The following MLPH variants were observed in gnomAD, a reference collection of about 807,000 sequenced individuals.
MLPH encodes exophilin-3.
In MLPH, 51 loss-of-function variants were observed where a neutral mutation model predicts 72.1. That is an observed-to-expected ratio of 0.71 (90% CI 0.56 to 0.89). The LOEUF is 0.89. Among genes scored for constraint, MLPH ranks in the 40% least tolerant of loss-of-function variants. The pLI is 0.00. For missense variants in MLPH, 743 were observed against 759.9 expected, an observed-to-expected ratio of 0.98 and a Z score of 0.26; for synonymous variants, 301 against 310.1, an observed-to-expected ratio of 0.97 and a Z score of 0.31.
chr2:237,508,411 T>A (rs1361357546), intron 2 of MLPH, among the ~76,000 whole-genome samples: 1 of 152,172 alleles, frequency 6.6e-6, no homozygotes, highest in Non-Finnish European at 1.5e-5. Context: ...TGCACCCAGC[T>A]CATTTCTTTT....
At chr2:237,492,215 G>C (rs2079441521) in intron 1 of MLPH, among the ~76,000 whole-genome samples, 1 of 152,064 alleles carries the variant, frequency 6.6e-6, no homozygotes, top group South Asian at 2.1e-4. Flanking sequence ...ACATTGATTG[G>C]GATCAGGTCT....
intron 9 of MLPH, chr2:237,537,484 C>T (rs565695489): frequency 6.6e-6 from 1 of 152,292 alleles, no homozygotes; most frequent in Admixed American, 6.5e-5. Flanking sequence ...ATATCAGGCC[C>T]AATGGCGTTT....
chr2:237,524,507 T>C (rs2080260310), intron 6 of MLPH, among the ~76,000 whole-genome samples: 1 of 151,926 alleles, frequency 6.6e-6, no homozygotes, highest in Non-Finnish European at 1.5e-5. Context: ...GTCTTGTCGC[T>C]TCACGTTTTT....
In MLPH at chr2:237,540,531, G is replaced by A. The variant is rs2080653466; in HGVS notation, c.1288G>A (p.Glu430Lys). The change falls in exon 10 of 16, where the codon GAG becomes AAG. Residue 430 changes from glutamate (E) to lysine (K), a missense_variant and splice_region_variant. Coordinates refer to ENST00000264605, the MANE Select transcript of MLPH (RefSeq NM_024101.7). ...TGGGCCTCTCCCCCAGGCGGACCCG[G>A]AGGTAAGACTATCCCCCAGAGGTCT... ...SVGPLPQADP[E>K]VGTAAHQTNR... 1.9e-6 allele frequency: 3 copies of A among 1,610,128 alleles called. No homozygotes were observed. The highest frequency in any genetic ancestry group is 1.3e-5 in the African/African-American group (1 of 74,844).
Position 237,552,838 on chromosome 2 carries a change from T to C in MLPH, c.1776+401T>C, listed in dbSNP as rs1400720968. On this transcript the variant is annotated intron_variant, in intron 15 of 15. Coordinates refer to ENST00000264605, the MANE Select transcript of MLPH (RefSeq NM_024101.7). ...ACTAACTTGTCCATGTGTGTATGTGTGTGGCTGCGTTCACCCCTGTGTGTG... is the reference window on the plus strand; with the variant it reads ...ACTAACTTGTCCATGTGTGTATGTGCGTGGCTGCGTTCACCCCTGTGTGTG... 4.6e-5 allele frequency among the ~76,000 whole-genome samples: 7 copies of C among 152,196 alleles called. No individual in the cohort carries two copies. The East Asian group carries it at 1.3e-3, about 29-fold the overall frequency.
At chr2:237,514,415 G>A (rs2079971411) in intron 4 of MLPH, among the ~76,000 whole-genome samples, 1 of 152,018 alleles carries the variant, frequency 6.6e-6, no homozygotes, top group Non-Finnish European at 1.5e-5. Flanking sequence ...ATTTCTTTAT[G>A]GCTAGTTTTT....
intron 6 of MLPH, among the ~76,000 whole-genome samples, chr2:237,522,728 G>A (rs1239535408): frequency 2.0e-5 from 3 of 152,200 alleles, no homozygotes; most frequent in Non-Finnish European, 4.4e-5. Context: ...AGGCCGAATT[G>A]AGCTGACTTT....
chr2:237,487,916 T>C (rs2079351413), intron 1 of MLPH, among the ~76,000 whole-genome samples: 3 of 152,014 alleles, frequency 2.0e-5, no homozygotes, highest in Admixed American at 2.0e-4. Context: ...AAAAGTCTGT[T>C]TTATTGGAAT....
At chr2:237,551,307 A>G (rs1479924613) in intron 14 of MLPH, among the ~76,000 whole-genome samples, 1 of 152,282 alleles carries the variant, frequency 6.6e-6, no homozygotes, top group East Asian at 1.9e-4. Flanking sequence ...ACAGCACAAC[A>G]GGAGCACGCT....
intron 9 of MLPH, among the ~76,000 whole-genome samples, chr2:237,539,357 T>C (rs74003108): frequency 0.14 from 21,051 of 152,114 alleles, 1,651 homozygotes; most frequent in African/African-American, 0.18. Flanking sequence ...ATATCTGGGA[T>C]GAGAGAAAAA....
chr2:237,540,509 G>A lies in MLPH; in HGVS notation c.1266G>A (p.Gly422=), dbSNP rs2080652045. 6.2e-7 allele frequency: 1 copy of A among 1,612,214 alleles called. No individual in the cohort carries two copies. The highest frequency in any genetic ancestry group is 8.5e-7 in the Non-Finnish European group (1 of 1,179,908). ...AGCCCAACAGGGACAAATCAGTTGGGCCTCTCCCCCAGGCGGACCCGGAGG... is the reference window on the plus strand; with the variant it reads ...AGCCCAACAGGGACAAATCAGTTGGACCTCTCCCCCAGGCGGACCCGGAGG... ...KAEPNRDKSV[G]PLPQADPEVG... Residue 422 remains glycine, a synonymous_variant, in exon 10 of 16, where the codon GGG becomes GGA. Coordinates refer to ENST00000264605, the MANE Select transcript of MLPH (RefSeq NM_024101.7).
At chr2:237,548,353 A>G (rs1455858829) in intron 13 of MLPH, among the ~76,000 whole-genome samples, 2 of 152,226 alleles carry the variant, frequency 1.3e-5, no homozygotes, top group African/African-American at 4.8e-5. Context: ...GAATTTGGCC[A>G]TTTGGCTGTC....
At chr2:237,540,286 C>T in intron 9 of MLPH, 62 bp from the exon 10 acceptor site, 2 of 1,578,116 alleles carry the variant, frequency 1.3e-6, no homozygotes, top group Non-Finnish European at 1.7e-6. Flanking sequence ...CCAGAGCCAG[C>T]CCTGGAGCTC....
At chr2:237,509,366 C>G (rs954402509) in intron 2 of MLPH, among the ~76,000 whole-genome samples, 1 of 152,122 alleles carries the variant, frequency 6.6e-6, no homozygotes, top group Non-Finnish European at 1.5e-5. Context: ...CCTCAGGGTA[C>G]CGTTCTGCCT....
chr2:237,537,014 CT>C (rs2080545410), intron 9 of MLPH, among the ~76,000 whole-genome samples: 1 of 152,238 alleles, frequency 6.6e-6, no homozygotes, highest in Admixed American at 6.5e-5. Flanking sequence ...GGGGACACTG[CT>C]CGCGGAATGG....
rs183148581 is a variant in MLPH, at chr2:237,552,376, G to A, written c.1715G>A (p.Arg572Gln). ...DDSFDRKSVYRGSLTQRNPNA... is the reference protein window; with the variant it reads ...DDSFDRKSVYQGSLTQRNPNA... ...TCTTTTGATCGGAAATCAGTGTACC[G>A]AGGCTCGCTGACACAGAGAAACCCC... The change falls in exon 15 of 16, where the codon CGA (arginine) becomes CAA (glutamine). Residue 572 changes from arginine to glutamine, a missense_variant. By Grantham distance (43) the Arg-to-Gln change is conservative (BLOSUM62 1). Coordinates refer to ENST00000264605, the MANE Select transcript of MLPH (RefSeq NM_024101.7). 11 of 1,614,090 alleles carry A rather than the reference G, an allele frequency of 6.8e-6. No homozygotes were observed. Among genetic ancestry groups the A allele is most frequent in the South Asian group, 5.5e-5 (5 of 91,074 alleles).
chr2:237,551,271 G>A (rs889324745), intron 14 of MLPH, among the ~76,000 whole-genome samples: 14 of 152,250 alleles, frequency 9.2e-5, no homozygotes, highest in African/African-American at 3.4e-4. Context: ...CGGCAGGCCA[G>A]GCCACATGAC....
At chr2:237,533,390 C>CATTTTT (rs1553600847) in intron 8 of MLPH, among the ~76,000 whole-genome samples, 6 of 107,984 alleles carry the variant, frequency 5.6e-5, no homozygotes, top group East Asian at 2.6e-4. Context: ...ATTTTCTTTT[C>CATTTTT]TTTTTTTTTT....
intron 4 of MLPH, among the ~76,000 whole-genome samples, chr2:237,515,507 G>T (rs1207096102): frequency 2.0e-5 from 3 of 152,188 alleles, no homozygotes; most frequent in South Asian, 2.1e-4. Flanking sequence ...GGATCCCCAC[G>T]GGGATCACAG....
Sources: allele counts gnomAD v4.1 joint callset (sites outside exome capture counted in the v4.1 genomes callset), GRCh38; gene constraint gnomAD v4.1.1; transcripts MANE v1.5; gene names NCBI Gene and HGNC (gene_info 2026-07-23, HGNC 2026-07-21).